Variants in SLCO1C1 observed in about 807,000 individuals in gnomAD.
SLCO1C1 encodes the protein OAT-RP-5.
In SLCO1C1, 70 loss-of-function variants were observed where a neutral mutation model predicts 76.4. The observed-to-expected ratio is 0.92, with a 90% CI of 0.76 to 1.12. SLCO1C1 has a LOEUF of 1.12. Among genes scored for constraint, SLCO1C1 ranks in the 50% most tolerant of loss-of-function variants. SLCO1C1 has a pLI of 0.00. For synonymous variants in SLCO1C1, 306 were observed against 286.1 expected, an observed-to-expected ratio of 1.07 and a Z score of -0.70; for missense variants, 912 against 823.8, an observed-to-expected ratio of 1.11 and a Z score of -1.31.
intron 2 of SLCO1C1, among the ~76,000 whole-genome samples, chr12:20,700,458 T>A (rs568636696): frequency 7.2e-4 from 109 of 152,026 alleles, no homozygotes; most frequent in Non-Finnish European, 1.5e-3. Flanking sequence ...AATTATTTTT[T>A]AATTATTATA....
At chr12:20,696,919 C>A (rs1047799660) in intron 1 of SLCO1C1, 3 of 152,010 alleles carry the variant, frequency 2.0e-5, no homozygotes, top group Non-Finnish European at 2.9e-5. Context: ...CTATGCAGTG[C>A]CAATAGTTTA....
At chr12:20,702,223 C>T (rs946204845) in intron 3 of SLCO1C1, among the ~76,000 whole-genome samples, 1 of 151,914 alleles carries the variant, frequency 6.6e-6, no homozygotes, top group Non-Finnish European at 1.5e-5. Context: ...CCTCTAACTG[C>T]TCCAATTTTA....
At chr12:20,696,785 A>G (rs1592207365) in intron 1 of SLCO1C1, 1 of 152,222 alleles carries the variant, frequency 6.6e-6, no homozygotes, top group East Asian at 1.9e-4. Flanking sequence ...GGCCCCAAGG[A>G]TCTTTCCGTT....
At position 20,717,183 on chromosome 12, in the gene SLCO1C1, G is replaced by T. The variant is rs1418759177; in HGVS notation, c.728G>T (p.Gly243Val). 3 of 1,601,914 alleles carry T rather than the reference G, an allele frequency of 1.9e-6. No homozygotes were observed. The Admixed American group carries it at 5.2e-5, about 28-fold the overall frequency. ...GGACCAATCTTTGGTTTCCTGTTAG[G>T]CTCATTATGTGCCAAACTATATGTT... ...IIGPIFGFLLGSLCAKLYVDI... is the reference protein window; with the variant it reads ...IIGPIFGFLLVSLCAKLYVDI... The change falls in exon 7 of 15, where the codon GGC becomes GTC. Residue 243 changes from glycine to valine, a missense_variant. Gly to Val is a moderately radical substitution (Grantham distance 109). Transcript: ENST00000266509.
chr12:20,732,285 A>C (rs1386412667), intron 9 of SLCO1C1, among the ~76,000 whole-genome samples: 1 of 152,238 alleles, frequency 6.6e-6, no homozygotes, highest in East Asian at 1.9e-4. Context: ...CCACTTACTA[A>C]GTGTGGCTAT....
chr12:20,699,840 C>T (rs1946437551), intron 2 of SLCO1C1, 135 bp downstream of exon 2: 3 of 1,046,588 alleles, frequency 2.9e-6, no homozygotes, highest in Non-Finnish European at 3.9e-6. Flanking sequence ...TTTACTAAAA[C>T]CACACCTTGC....
At chr12:20,710,147 G>A (rs1210402528) in intron 4 of SLCO1C1, among the ~76,000 whole-genome samples, 1 of 147,862 alleles carries the variant, frequency 6.8e-6, no homozygotes, top group Non-Finnish European at 1.5e-5. Flanking sequence ...GAATATTTCA[G>A]TAATGCAATA....
chr12:20,703,955 CTGTGTGTGTGTGTGTG>C (rs146325219), intron 3 of SLCO1C1, among the ~76,000 whole-genome samples: 1 of 140,272 alleles, frequency 7.1e-6, no homozygotes, highest in Admixed American at 7.4e-5. Flanking sequence ...TCGAGTGTGT[CTGTGTGTGTGTGTGTG>C]TGTGTGTGTG....
At chr12:20,717,027 T>C (rs1947392281) in intron 6 of SLCO1C1, 105 bp from the exon 7 acceptor site, 2 of 971,484 alleles carry the variant, frequency 2.1e-6, no homozygotes, top group Admixed American at 5.2e-5. Context: ...GTTAAAACAT[T>C]TTGAGCTACT....
At chr12:20,736,152 C>T (rs10734708) in intron 10 of SLCO1C1, among the ~76,000 whole-genome samples, 127,325 of 151,308 alleles carry the variant, frequency 0.84, 54,239 homozygotes, top group South Asian at 0.96. Context: ...ATATGAATAG[C>T]AAAAAAAAGG....
intron 5 of SLCO1C1, among the ~76,000 whole-genome samples, chr12:20,714,346 A>T (rs1947267633): frequency 6.6e-6 from 1 of 152,214 alleles, no homozygotes; most frequent in African/African-American, 2.4e-5. Context: ...GGTTGTTAAC[A>T]TTATCAATTT....
In SLCO1C1 at chr12:20,737,164, C is replaced by T. The variant is rs1482455954; in HGVS notation, c.1440C>T (p.Cys480=). 14 of 1,563,354 alleles carry T rather than the reference C, an allele frequency of 9.0e-6. 1 individual carries two copies. The highest frequency in any genetic ancestry group is 4.1e-5 in the Admixed American group (2 of 48,250). ...RALFSDCNSR[C]KCSETKWEPM... is the part of the protein sequence containing the mutation. ...TCTTTTCAGATTGCAACTCAAGATG[C>T]AAATGTTCAGAGACAAAATGGGAAC... Residue 480 remains cysteine (C), a synonymous_variant, in exon 11 of 15, where the codon TGC becomes TGT. Transcript: ENST00000266509.
At chr12:20,724,445 A>ATGTGTG (rs1471329855) in intron 9 of SLCO1C1, among the ~76,000 whole-genome samples, 2 of 96,516 alleles carry the variant, frequency 2.1e-5, no homozygotes, top group Admixed American at 1.1e-4. Context: ...ATATATATAT[A>ATGTGTG]TATATATGTG....
At chr12:20,702,912 T>C (rs1454927223) in intron 3 of SLCO1C1, among the ~76,000 whole-genome samples, 1 of 151,912 alleles carries the variant, frequency 6.6e-6, no homozygotes, top group East Asian at 1.9e-4. Flanking sequence ...TCCAAAGTTT[T>C]GTTTGGGCTC....
At chr12:20,748,878 T>C (rs966622754) in intron 13 of SLCO1C1, among the ~76,000 whole-genome samples, 1 of 152,200 alleles carries the variant, frequency 6.6e-6, no homozygotes, top group African/African-American at 2.4e-5. Context: ...TTATACCTCA[T>C]TGGAATTTTA....
rs760490961 is a variant in SLCO1C1, at chr12:20,752,367, G to A, written c.1978G>A (p.Val660Ile). The A allele has an allele frequency of 9.9e-6, 16 of 1,613,236 alleles. No homozygotes were observed. Among genetic ancestry groups the A allele is most frequent in the African/African-American group, 1.3e-5 (1 of 74,902 alleles). ...GTVSILLSIA[V>I]LFILKKNYVS... ...AGTGTCAATTCTCCTAAGCATTGCA[G>A]TACTTTTCATTTTAAAGAAAAATTA... Residue 660 changes from valine (V) to isoleucine (I), a missense_variant, in exon 15 of 15, where the codon GTA (valine) becomes ATA (isoleucine). Coordinates refer to ENST00000266509, the MANE Select transcript of SLCO1C1 (RefSeq NM_017435.5).
Position 20,740,787 on chromosome 12 carries a change from T to TTTTATATA in SLCO1C1, c.1733+420_1733+421insTTATATAT, listed in dbSNP as rs1217819863. 1.5e-3 allele frequency among the ~76,000 whole-genome samples: 116 copies of TTTTATATA among 75,074 alleles called. 4 individuals carry two copies. The highest frequency in any genetic ancestry group is 1.9e-3 in the Non-Finnish European group (81 of 41,732). The allele number at this position is 75,074 out of a possible 152,430, so 49.3% of individuals were successfully genotyped here. ...ACAACAATGTTAGAATTTATTTTATTTATATATATATATATATATATATAT... is the reference window on the plus strand; with the variant it reads ...ACAACAATGTTAGAATTTATTTTATTTTTATATATATATATATATATATATATATATAT... On this transcript the variant is annotated intron_variant, in intron 12 of 14. Transcript: ENST00000266509.
intron 8 of SLCO1C1, 106 bp from the exon 9 acceptor site, chr12:20,722,984 A>T: frequency 1.0e-6 from 1 of 968,384 alleles, no homozygotes. Flanking sequence ...CTACTCCCAA[A>T]CTGTGTGACA....
intron 1 of SLCO1C1, among the ~76,000 whole-genome samples, 165 bp from the exon 2 acceptor site, chr12:20,699,387 T>G (rs10770702): frequency 0.5 from 76,564 of 151,878 alleles, 20,675 homozygotes; most frequent in East Asian, 0.75. Flanking sequence ...GTTAATCAGA[T>G]ATCCTGGTTG....
Sources: gnomAD v4.1 joint callset for allele counts (sites outside exome capture counted in the v4.1 genomes callset) on GRCh38, gnomAD v4.1.1 for gene constraint, MANE v1.5 for transcripts, NCBI Gene and HGNC (gene_info 2026-07-23, HGNC 2026-07-21) for gene names.